Variants in PRDM15 observed in about 807,000 individuals in gnomAD.
The protein encoded by PRDM15 is PR domain zinc finger protein 15.
A neutral mutation model predicts 128.6 loss-of-function variants in PRDM15; 64 were observed. The observed-to-expected ratio is 0.50, with a 90% CI of 0.41 to 0.61. The LOEUF (loss-of-function observed/expected upper bound fraction) is 0.61, where lower values mean the gene tolerates loss of function less well. Among genes scored for constraint, PRDM15 ranks in the 20% least tolerant of loss-of-function variants. The pLI is 0.00. For missense variants in PRDM15, 1,242 were observed against 1,569.1 expected (o/e 0.79, Z 3.52); for synonymous variants, 615 against 621.8 (o/e 0.99, Z 0.16).
intron 1 of PRDM15, among the ~76,000 whole-genome samples, chr21:41,863,847 A>AT (rs569051799): frequency 0.023 from 3,377 of 145,274 alleles, 111 homozygotes; most frequent in African/African-American, 0.076. Context: ...TGCCCAAAGC[A>AT]TTTTTTTTTT....
At chr21:41,809,691 T>C (rs1412561593) in intron 21 of PRDM15, among the ~76,000 whole-genome samples, 1 of 152,214 alleles carries the variant, frequency 6.6e-6, no homozygotes, top group Non-Finnish European at 1.5e-5. Context: ...AGGGTGCTCC[T>C]TCTTAAAGCA....
In PRDM15 at chr21:41,836,241, A is replaced by G. The variant is rs529534316; in HGVS notation, c.1184-34T>C. The G allele has an allele frequency of 8.9e-6, 14 of 1,578,098 alleles. No individual in the cohort carries two copies. The East Asian group carries it at 2.9e-4, about 33-fold the overall frequency. ...CCAACCAACAGAGAGCTCATTCACT[A>G]CTTAGAGCATTTACCGAGAGAAGCA... On this transcript the variant is annotated intron_variant, in intron 9 of 23. Transcript: ENST00000398548.
In PRDM15 at chr21:41,821,940, T is replaced by C; in HGVS notation, c.1859A>G (p.Asp620Gly). Residue 620 changes from aspartate (D) to glycine (G), a missense_variant, in exon 15 of 24, where the codon GAC becomes GGC. Physicochemically the swap from Asp to Gly is moderately conservative, Grantham distance 94. Around this residue, in one of 3 missense-constraint regions of PRDM15, gnomAD observed 602 missense variants for 788.3 expected, o/e 0.76. Coordinates refer to ENST00000398548, the MANE Select transcript of PRDM15 (RefSeq NM_001040424.3). The surrounding 1 kb of genome is among the most constrained non-coding windows in gnomAD (Gnocchi z 5.4). Reference protein sequence around the residue: ...ENDDNSDESADSEPHKYSCKR... With the variant: ...ENDDNSDESAGSEPHKYSCKR... ...GCAGCTGTACTTGTGAGGCTCCGAG[T>C]CTGCGCTCTCGTCAGAATTGTCATC... is the stretch of plus-strand genomic sequence containing the variant. 1.2e-6 allele frequency: 2 copies of C among 1,614,138 alleles called. No homozygotes were observed. Among genetic ancestry groups the C allele is most frequent in the Non-Finnish European group, 1.7e-6 (2 of 1,180,026 alleles).
At chr21:41,822,153 A>T in intron 14 of PRDM15, 116 bp from the exon 15 acceptor site, 1 of 1,423,924 alleles carries the variant, frequency 7.0e-7, no homozygotes, top group Non-Finnish European at 9.7e-7. Flanking sequence ...TGCCTCTCTG[A>T]TGCCCGTGGC....
At position 41,802,807 on chromosome 21, in the gene PRDM15, C is replaced by G. The variant is rs780376405; in HGVS notation, c.2848G>C (p.Glu950Gln). 1 of 1,614,164 alleles carries G rather than the reference C, an allele frequency of 6.2e-7. No homozygotes were observed. Among genetic ancestry groups the G allele is most frequent in the Non-Finnish European group, 8.5e-7 (1 of 1,180,008 alleles). ...PEEEAGAPVP[E>Q]DATFSEYSEK... Reference sequence around the variant, plus strand: ...GAGTATTCGCTGAAGGTGGCGTCCTCGGGCACCGGAGCACCCGCCTCCTCT... The same window carrying G: ...GAGTATTCGCTGAAGGTGGCGTCCTGGGGCACCGGAGCACCCGCCTCCTCT... The change falls in exon 23 of 24, where the codon GAG (glutamate) becomes CAG (glutamine). Residue 950 changes from glutamate (E) to glutamine (Q), a missense_variant. By Grantham distance (29) the Glu-to-Gln change is conservative (BLOSUM62 2). Transcript: ENST00000398548.
chr21:41,822,482 C>T (rs936444253), intron 14 of PRDM15, among the ~76,000 whole-genome samples: 3 of 152,262 alleles, frequency 2.0e-5, no homozygotes, highest in African/African-American at 7.2e-5. Flanking sequence ...GATGCCAGCA[C>T]CGGGCTGAGA....
At chr21:41,878,157 C>T (rs117016419) in intron 1 of PRDM15, among the ~76,000 whole-genome samples, 410 of 152,370 alleles carry the variant, frequency 2.7e-3, no homozygotes, top group Non-Finnish European at 4.5e-3. Flanking sequence ...CTTCACATGT[C>T]ACCACCCTTC....
At chr21:41,873,990 G>T (rs1218796948) in intron 1 of PRDM15, among the ~76,000 whole-genome samples, 1 of 151,308 alleles carries the variant, frequency 6.6e-6, no homozygotes. Context: ...AGGCTGCAGT[G>T]AGCCGAGGTT....
intron 13 of PRDM15, among the ~76,000 whole-genome samples, chr21:41,824,125 C>T (rs544662939): frequency 5.9e-5 from 9 of 152,298 alleles, no homozygotes; most frequent in Admixed American, 3.9e-4. Context: ...CTATTCCCAG[C>T]GGCCACGTAA....
chr21:41,841,064 T>C (rs2063060522), intron 6 of PRDM15, among the ~76,000 whole-genome samples: 1 of 152,048 alleles, frequency 6.6e-6, no homozygotes, highest in Admixed American at 6.5e-5. Flanking sequence ...CTAAAACATG[T>C]ACAATAGGAC....
At chr21:41,871,407 C>T in intron 1 of PRDM15, 2 of 1,099,320 alleles carry the variant, frequency 1.8e-6, no homozygotes, top group Non-Finnish European at 2.3e-6. Flanking sequence ...TGTCACTGTC[C>T]CTCTTAAGCA....
intron 13 of PRDM15, among the ~76,000 whole-genome samples, chr21:41,825,309 C>T (rs765680034): frequency 7.2e-5 from 11 of 152,274 alleles, no homozygotes; most frequent in African/African-American, 1.2e-4. Context: ...CAGGCTCTCC[C>T]GGGACGCGCA....
intron 22 of PRDM15, 131 bp downstream of exon 22, chr21:41,804,403 A>C: frequency 2.9e-6 from 2 of 686,456 alleles, no homozygotes; most frequent in South Asian, 3.5e-5. Flanking sequence ...AGAAGCCAAG[A>C]AAACAGGGTA....
Position 41,832,859 on chromosome 21 carries a change from C to T in PRDM15, c.1366+2578G>A, listed in dbSNP as rs556539251. ...CTCGTGACCATGGAAAGAGAACCTACTTCAGGCCACTCCCCAGCTGTCCCG... is the reference window on the plus strand; with the variant it reads ...CTCGTGACCATGGAAAGAGAACCTATTTCAGGCCACTCCCCAGCTGTCCCG... On this transcript the variant is annotated intron_variant, in intron 11 of 23. Transcript: ENST00000398548. This position sits in a 1 kb window ranked among gnomAD's most constrained non-coding sequence, Gnocchi z 4.2. Among the ~76,000 whole-genome samples, 6 of 152,334 alleles carry T rather than the reference C, an allele frequency of 3.9e-5. No homozygotes were observed. In the South Asian group the frequency reaches 1.0e-3, roughly 26 times the overall value.
rs146274249 is a variant in PRDM15, at chr21:41,817,841, G to A, written c.2260+1741C>T. ...CTGTAAAATAAATCTGGCAACTGATGTATTAATGCCAGCATTTTATTTCAG... is the reference window on the plus strand; with the variant it reads ...CTGTAAAATAAATCTGGCAACTGATATATTAATGCCAGCATTTTATTTCAG... On this transcript the variant is annotated intron_variant, in intron 18 of 23. Transcript: ENST00000398548. Among the ~76,000 whole-genome samples the A allele has an allele frequency of 5.0e-3, 768 of 152,356 alleles. 3 individuals are homozygous for A. The highest frequency in any genetic ancestry group is 0.017 in the African/African-American group (722 of 41,578).
At chr21:41,813,878 T>C (rs933644075) in intron 19 of PRDM15, 6 of 151,396 alleles carry the variant, frequency 4.0e-5, no homozygotes, top group African/African-American at 1.5e-4. Context: ...TAGTGTTTTA[T>C]GAGAATGCCT....
At chr21:41,835,234 C>T (rs1469693388) in intron 11 of PRDM15, among the ~76,000 whole-genome samples, 1 of 152,216 alleles carries the variant, frequency 6.6e-6, no homozygotes, top group Non-Finnish European at 1.5e-5. Context: ...GAAAATCAAT[C>T]CCTTTTTACT....
intron 11 of PRDM15, among the ~76,000 whole-genome samples, chr21:41,833,999 G>A (rs769844864): frequency 3.9e-5 from 6 of 152,182 alleles, no homozygotes; most frequent in African/African-American, 7.2e-5. Context: ...CTGTCTGGCC[G>A]GGGCTGCGTT....
At chr21:41,819,519 C>A (rs2062174312) in intron 18 of PRDM15, 63 bp downstream of exon 18, 10 of 1,370,810 alleles carry the variant, frequency 7.3e-6, no homozygotes, top group Admixed American at 3.8e-5. Context: ...ATGTCCCCTT[C>A]CAGCACCCTG....
Sources: allele counts gnomAD v4.1 joint callset (sites outside exome capture counted in the v4.1 genomes callset), GRCh38; gene constraint gnomAD v4.1.1; regional missense constraint gnomAD v4.1.1; non-coding constraint Gnocchi (gnomAD v3.1); transcripts MANE v1.5; gene names NCBI Gene and HGNC (gene_info 2026-07-23, HGNC 2026-07-21).